CCDC172: variants seen among roughly 807,000 people sequenced by gnomAD.
CCDC172 encodes the protein coiled-coil domain-containing protein 172.
In CCDC172, 30 loss-of-function variants were observed where a neutral mutation model predicts 38.0. The ratio of observed to expected loss-of-function variants is 0.79; its 90% confidence interval spans 0.59 to 1.07. The LOEUF (loss-of-function observed/expected upper bound fraction) is 1.07, where lower values mean the gene tolerates loss of function less well. CCDC172 is among the 50% of genes least tolerant of loss of function. CCDC172 has a pLI of 0.00. For missense variants in CCDC172, 297 were observed against 290.1 expected (o/e 1.02, Z -0.17); for synonymous variants, 78 against 88.3 (o/e 0.88, Z 0.66).
chr10:116,369,603 A>T (rs1000481556), intron 7 of CCDC172, among the ~76,000 whole-genome samples: 2 of 152,036 alleles, frequency 1.3e-5, no homozygotes, highest in Non-Finnish European at 2.9e-5. Context: ...ACTACAGTTT[A>T]TGCAACCAGT....
At chr10:116,361,637 T>C (rs1845065463) in intron 7 of CCDC172, among the ~76,000 whole-genome samples, 1 of 152,170 alleles carries the variant, frequency 6.6e-6, no homozygotes, top group South Asian at 2.1e-4. Context: ...GTGAAGAGCA[T>C]ATTTGCAATG....
chr10:116,353,223 C>T (rs1369313551), intron 5 of CCDC172, among the ~76,000 whole-genome samples: 1 of 151,876 alleles, frequency 6.6e-6, no homozygotes, highest in Non-Finnish European at 1.5e-5. Flanking sequence ...GTACATCCAC[C>T]TCATACCATA....
intron 5 of CCDC172, among the ~76,000 whole-genome samples, chr10:116,346,645 TTTAAAA>T (rs1844870705): frequency 7.2e-6 from 1 of 138,466 alleles, no homozygotes; most frequent in African/African-American, 2.5e-5. Flanking sequence ...ATTATTCCTC[TTTAAAA>T]TTAAGAAAAA....
At chr10:116,340,308 AT>A (rs758641687) in intron 3 of CCDC172, among the ~76,000 whole-genome samples, 10 of 151,872 alleles carry the variant, frequency 6.6e-5, no homozygotes, top group Non-Finnish European at 1.3e-4. Context: ...TTATCTTATT[AT>A]TTTATTAGTT....
chr10:116,372,849 A>C (rs1158478080), intron 7 of CCDC172, among the ~76,000 whole-genome samples: 2 of 152,192 alleles, frequency 1.3e-5, no homozygotes, highest in South Asian at 2.1e-4. Context: ...TTCTCATCAG[A>C]AATCATGCAA....
intron 3 of CCDC172, among the ~76,000 whole-genome samples, chr10:116,332,617 G>T (rs1565711753): frequency 6.6e-6 from 1 of 152,090 alleles, no homozygotes. Context: ...CAGAAGAGAA[G>T]TATTGAAGTC....
In CCDC172 at chr10:116,324,498, A is replaced by G. The variant is rs1401361473; in HGVS notation, c.-181A>G. 1 of 153,554 alleles carries G rather than the reference A, an allele frequency of 6.5e-6. No homozygotes were observed. The highest frequency in any genetic ancestry group is 1.9e-4 in the East Asian group (1 of 5,188). 9.5% of individuals were successfully genotyped at this position (153,554 alleles called of 1,614,324 possible). ...TTGGCCGTGGGTTTTGTTGGCACGT[A>G]CCATTTTGCTGAAAGACAGAGCACC... On this transcript the variant is annotated 5_prime_UTR_variant, in exon 1 of 9. Coordinates refer to ENST00000333254, the MANE Select transcript of CCDC172 (RefSeq NM_198515.3).
intron 5 of CCDC172, among the ~76,000 whole-genome samples, chr10:116,354,209 T>TA (rs1372462791): frequency 6.6e-6 from 1 of 152,210 alleles, no homozygotes; most frequent in East Asian, 1.9e-4. Context: ...GCCAGTCATA[T>TA]AAAAGTATAG....
chr10:116,352,605 G>A (rs1376590675), intron 5 of CCDC172, among the ~76,000 whole-genome samples: 1 of 152,024 alleles, frequency 6.6e-6, no homozygotes, highest in Non-Finnish European at 1.5e-5. Context: ...AGGGATAGAA[G>A]GGACTTTCCT....
At position 116,342,152 on chromosome 10, in the gene CCDC172, C is replaced by G. The variant is rs1844803968; in HGVS notation, c.399C>G (p.Val133=). The change falls in exon 5 of 9, where the codon GTC becomes GTG. Residue 133 remains valine, a synonymous_variant. Transcript: ENST00000333254. ...KKRELLMKEN[V]KIEISDLENQ... ...GAGAGCTTTTGATGAAAGAAAATGTCAAGATTGAAATATCTGACTTAGAAA... is the reference window on the plus strand; with the variant it reads ...GAGAGCTTTTGATGAAAGAAAATGTGAAGATTGAAATATCTGACTTAGAAA... 3.9e-6 allele frequency: 6 copies of G among 1,539,530 alleles called. No homozygotes were observed. The highest frequency in any genetic ancestry group is 5.2e-6 in the Non-Finnish European group (6 of 1,153,990).
intron 7 of CCDC172, among the ~76,000 whole-genome samples, chr10:116,367,450 G>T (rs1845136438): frequency 6.6e-6 from 1 of 152,124 alleles, no homozygotes; most frequent in Non-Finnish European, 1.5e-5. Flanking sequence ...AGCAGTTTGG[G>T]AGGCTGACGC....
At chr10:116,325,924 G>A (rs1844586186) in intron 3 of CCDC172, among the ~76,000 whole-genome samples, 1 of 152,206 alleles carries the variant, frequency 6.6e-6, no homozygotes, top group South Asian at 2.1e-4. Context: ...GAGTCTGATG[G>A]CTTCTTGAAG....
At chr10:116,352,994 C>A (rs1391918344) in intron 5 of CCDC172, among the ~76,000 whole-genome samples, 2 of 151,992 alleles carry the variant, frequency 1.3e-5, no homozygotes, top group East Asian at 3.9e-4. Flanking sequence ...GAGATCAAGA[C>A]CATCCTGGCT....
intron 5 of CCDC172, among the ~76,000 whole-genome samples, chr10:116,356,837 G>A (rs945912742): frequency 1.3e-5 from 2 of 152,134 alleles, no homozygotes; most frequent in African/African-American, 4.8e-5. Context: ...ATTTCACTAA[G>A]TGATATTACA....
chr10:116,371,612 T>C (rs1044747017), intron 7 of CCDC172, among the ~76,000 whole-genome samples: 1 of 152,090 alleles, frequency 6.6e-6, no homozygotes, highest in African/African-American at 2.4e-5. Flanking sequence ...ATATAGTTTT[T>C]GGATTATCTG....
At position 116,325,076 on chromosome 10, in the gene CCDC172, G is replaced by A. The variant is rs748847947; in HGVS notation, c.65G>A (p.Arg22His). The change falls in exon 2 of 9, where the codon CGT becomes CAT. Residue 22 changes from arginine (R) to histidine (H), a missense_variant. Transcript: ENST00000333254. ...GAGCATCAGGCGGAGGAGAGTCGCCGTTTGATGCGAGAAGGTCGGGGTATT... is the reference window on the plus strand; with the variant it reads ...GAGCATCAGGCGGAGGAGAGTCGCCATTTGATGCGAGAAGGTCGGGGTATT... ...FTEHQAEESR[R>H]LMREVRSEIT... 11 of 1,613,836 alleles carry A rather than the reference G, an allele frequency of 6.8e-6. No homozygotes were observed. The highest frequency in any genetic ancestry group is 3.3e-4 in the Middle Eastern group (2 of 6,084).
intron 7 of CCDC172, among the ~76,000 whole-genome samples, chr10:116,359,862 T>G (rs1845042643): frequency 1.3e-5 from 2 of 152,212 alleles, no homozygotes; most frequent in Admixed American, 1.3e-4. Context: ...GGTTCATGTT[T>G]TAAAGCTTAA....
intron 5 of CCDC172, among the ~76,000 whole-genome samples, chr10:116,352,885 A>G (rs1487316620): frequency 6.6e-6 from 1 of 152,160 alleles, no homozygotes; most frequent in Non-Finnish European, 1.5e-5. Flanking sequence ...AGGAATCTAC[A>G]GGAAAACTAT....
intron 5 of CCDC172, among the ~76,000 whole-genome samples, chr10:116,356,327 TC>T (rs1844995983): frequency 8.4e-6 from 1 of 118,456 alleles, no homozygotes; most frequent in African/African-American, 3.4e-5. Context: ...AAGACTCCAC[TC>T]AGAAAAAAAG....
Sources: allele counts gnomAD v4.1 joint callset (sites outside exome capture counted in the v4.1 genomes callset), GRCh38; gene constraint gnomAD v4.1.1; transcripts MANE v1.5; gene names NCBI Gene and HGNC (gene_info 2026-07-23, HGNC 2026-07-21).